FER: variants seen among roughly 807,000 people sequenced by gnomAD.
FER encodes the protein FER tyrosine kinase.
FER carries 63 observed loss-of-function variants against 111.0 expected under a neutral mutation model. The ratio of observed to expected loss-of-function variants is 0.57; its 90% CI spans 0.46 to 0.70. The LOEUF is 0.70. Ranked by LOEUF, FER falls within the 30% of genes least tolerant of loss-of-function variation. The probability of loss-of-function intolerance (pLI) is 0.00; values close to 1 mark genes in which losing one functional copy is unlikely to be tolerated. For synonymous variants in FER, 327 were observed against 313.9 expected (o/e 1.04, Z -0.44); for missense variants, 914 against 954.0 (o/e 0.96, Z 0.55).
intron 3 of FER, chr5:108,818,404 CACTCTAACCTGGGTG>C (rs1758496364): frequency 6.6e-6 from 1 of 152,018 alleles, no homozygotes; most frequent in Non-Finnish European, 1.5e-5. Context: ...TGTGCCACTG[CACTCTAACCTGGGTG>C]ACAGAGCAAG....
At chr5:108,770,225 G>T (rs937407221) in intron 2 of FER, among the ~76,000 whole-genome samples, 1 of 152,126 alleles carries the variant, frequency 6.6e-6, no homozygotes, top group African/African-American at 2.4e-5. Flanking sequence ...CGGGGTTACA[G>T]GCATGAGCCA....
At chr5:109,074,236 G>A (rs1483631754) in intron 16 of FER, among the ~76,000 whole-genome samples, 2 of 152,146 alleles carry the variant, frequency 1.3e-5, no homozygotes, top group Non-Finnish European at 2.9e-5. Flanking sequence ...GAAGCAAAGA[G>A]AGACTAAGTA....
chr5:109,139,769 A>G (rs1753321281), intron 17 of FER, among the ~76,000 whole-genome samples: 1 of 152,064 alleles, frequency 6.6e-6, no homozygotes, highest in Non-Finnish European at 1.5e-5. Flanking sequence ...ATTTTGATGA[A>G]TCAATCTGGG....
At chr5:108,958,416 C>T (rs1045105329) in intron 12 of FER, among the ~76,000 whole-genome samples, 8 of 151,668 alleles carry the variant, frequency 5.3e-5, no homozygotes, top group Non-Finnish European at 1.2e-4. Flanking sequence ...ATGCTTCTTG[C>T]TTTGAAAAAT....
At position 108,786,651 on chromosome 5, in the gene FER, C is replaced by A. The variant is rs140108311; in HGVS notation, c.-59-11473C>A. ...AAGCAGCTGGGGCTACAGGAGCCTG[C>A]TAGCACGCCCAGCTAATTTTTTGTA... On this transcript the variant is annotated intron_variant, in intron 2 of 19. Coordinates refer to ENST00000281092, the MANE Select transcript of FER (RefSeq NM_005246.4). Among the ~76,000 whole-genome samples the A allele has an allele frequency of 8.9e-3, 1,354 of 152,178 alleles. 15 individuals carry two copies. Among genetic ancestry groups the A allele is most frequent in the African/African-American group, 0.031 (1,271 of 41,528 alleles).
chr5:108,903,529 G>A (rs753441216), intron 10 of FER, among the ~76,000 whole-genome samples: 5 of 152,158 alleles, frequency 3.3e-5, no homozygotes, highest in Non-Finnish European at 5.9e-5. Context: ...GCCAGACATG[G>A]TTAAGATCCC....
At chr5:108,949,294 G>A (rs1757414402) in intron 11 of FER, among the ~76,000 whole-genome samples, 2 of 151,942 alleles carry the variant, frequency 1.3e-5, no homozygotes, top group Admixed American at 1.3e-4. Flanking sequence ...TTTAATCAAG[G>A]CACGTTGTCA....
chr5:109,100,497 G>A lies in FER; in HGVS notation c.2026G>A (p.Glu676Lys), dbSNP rs1222987963. Residue 676 changes from glutamate (E) to lysine (K), a missense_variant, in exon 17 of 20, where the codon GAG becomes AAG. This residue lies in a region of FER where 774 missense variants were observed against 782.6 expected (regional missense o/e 0.99). Coordinates refer to ENST00000281092, the MANE Select transcript of FER (RefSeq NM_005246.4). ...CGCTGCTGCTGGTATGTTGTATCTCGAGAGTAAAAACTGTATACACAGGTA... is the reference window on the plus strand; with the variant it reads ...CGCTGCTGCTGGTATGTTGTATCTCAAGAGTAAAAACTGTATACACAGGTA... ...LDAAAGMLYL[E>K]SKNCIHRDLA... 5.0e-6 allele frequency: 8 copies of A among 1,610,752 alleles called. No individual in the cohort carries two copies. The highest frequency in any genetic ancestry group is 2.2e-5 in the East Asian group (1 of 44,738).
At chr5:109,132,207 G>A (rs772256883) in intron 17 of FER, among the ~76,000 whole-genome samples, 15 of 151,962 alleles carry the variant, frequency 9.9e-5, no homozygotes, top group African/African-American at 3.1e-4. Context: ...ATAGGCAACC[G>A]GTACTAAGCC....
At chr5:109,183,322 C>T (rs925506928) in intron 18 of FER, among the ~76,000 whole-genome samples, 2 of 142,396 alleles carry the variant, frequency 1.4e-5, no homozygotes, top group Admixed American at 1.5e-4. Flanking sequence ...GATCTAGGCT[C>T]ACGGCAACCT....
In FER at chr5:108,867,536, A is replaced by G. The variant is rs116585454; in HGVS notation, c.482-231A>G. On this transcript the variant is annotated intron_variant, in intron 5 of 19. Coordinates refer to ENST00000281092, the MANE Select transcript of FER (RefSeq NM_005246.4). ...TTTTTTGTGTTTTACTTTGACCTTT[A>G]TTCACCATTTAGTATCCTACATGCC... 1.1e-3 allele frequency among the ~76,000 whole-genome samples: 167 copies of G among 150,612 alleles called. 1 individual carries two copies. Among genetic ancestry groups the G allele is most frequent in the African/African-American group, 4.0e-3 (163 of 40,762 alleles).
chr5:109,043,267 A>G (rs1329652188), intron 14 of FER, among the ~76,000 whole-genome samples: 1 of 152,210 alleles, frequency 6.6e-6, no homozygotes, highest in Non-Finnish European at 1.5e-5. Flanking sequence ...GTAAATTAAT[A>G]TCTTCTCTCA....
intron 13 of FER, among the ~76,000 whole-genome samples, chr5:109,000,411 A>G (rs1764590931): frequency 2.6e-5 from 4 of 152,212 alleles, no homozygotes; most frequent in South Asian, 4.1e-4. Context: ...GATAGAAAAC[A>G]TATTTTAAAA....
At chr5:108,905,570 A>T (rs1581140677) in intron 10 of FER, among the ~76,000 whole-genome samples, 1 of 152,124 alleles carries the variant, frequency 6.6e-6, no homozygotes, top group East Asian at 1.9e-4. Flanking sequence ...TTACCACAGG[A>T]TTATTATGTA....
chr5:108,936,103 A>G (rs993260500), intron 10 of FER, among the ~76,000 whole-genome samples: 1 of 152,090 alleles, frequency 6.6e-6, no homozygotes, highest in African/African-American at 2.4e-5. Context: ...CATGACGTTC[A>G]GCAAATCACT....
chr5:109,032,559 C>T (rs1769788936), intron 13 of FER, among the ~76,000 whole-genome samples: 1 of 152,160 alleles, frequency 6.6e-6, no homozygotes, highest in East Asian at 1.9e-4. Flanking sequence ...ACCTCACATC[C>T]ACAAGTTATT....
chr5:108,992,290 C>T (rs983487001), intron 13 of FER, among the ~76,000 whole-genome samples: 7 of 152,238 alleles, frequency 4.6e-5, no homozygotes, highest in Non-Finnish European at 7.3e-5. Context: ...TACACAGACA[C>T]GGCAATCATC....
At chr5:108,926,002 A>G (rs996706376) in intron 10 of FER, among the ~76,000 whole-genome samples, 7 of 151,962 alleles carry the variant, frequency 4.6e-5, no homozygotes, top group African/African-American at 1.7e-4. Flanking sequence ...ACTTTAAAAA[A>G]GTCTCGCTTT....
At chr5:108,987,114 G>A (rs1762657917) in intron 13 of FER, among the ~76,000 whole-genome samples, 1 of 151,966 alleles carries the variant, frequency 6.6e-6, no homozygotes, top group Non-Finnish European at 1.5e-5. Flanking sequence ...TTTTTTCTGT[G>A]ATTTCTTTCA....
Sources: gnomAD v4.1 joint callset for allele counts (sites outside exome capture counted in the v4.1 genomes callset) on GRCh38, gnomAD v4.1.1 for gene constraint, gnomAD v4.1.1 regional missense constraint, MANE v1.5 for transcripts, NCBI Gene and HGNC (gene_info 2026-07-23, HGNC 2026-07-21) for gene names.